ZNF724: variants seen among roughly 807,000 people sequenced by gnomAD.
The protein encoded by ZNF724 is zinc finger protein 724 pseudogene.
In ZNF724, 14 loss-of-function variants were observed where a neutral mutation model predicts 29.3. The observed-to-expected ratio is 0.48, with a 90% CI of 0.32 to 0.75. The LOEUF is 0.75. Ranked by LOEUF, ZNF724 falls within the 30% of genes least tolerant of loss-of-function variation. ZNF724 has a pLI of 0.04. For missense variants in ZNF724, 557 were observed against 571.2 expected (o/e 0.98, Z 0.25); for synonymous variants, 180 against 193.6 (o/e 0.93, Z 0.58).
At chr19:23,247,077 G>C (rs1264014704) in intron 1 of ZNF724, among the ~76,000 whole-genome samples, 1 of 152,114 alleles carries the variant, frequency 6.6e-6, no homozygotes, top group East Asian at 1.9e-4. Context: ...ACAAAAATTA[G>C]CTGGGCATGG....
chr19:23,243,138 C>T (rs1599648507), intron 1 of ZNF724, among the ~76,000 whole-genome samples: 2 of 151,402 alleles, frequency 1.3e-5, no homozygotes, highest in East Asian at 3.9e-4. Flanking sequence ...AAGATCATTT[C>T]ATTTGCAGTC....
chr19:23,227,914 T>C (rs1442416809), intron 3 of ZNF724, among the ~76,000 whole-genome samples: 1 of 151,940 alleles, frequency 6.6e-6, no homozygotes, highest in Non-Finnish European at 1.5e-5. Flanking sequence ...AATAGAAAAA[T>C]GAATAGAGTG....
chr19:23,222,931 A>C lies in ZNF724; in HGVS notation c.1314T>G (p.Thr438=). The C allele has an allele frequency of 1.4e-6, 2 of 1,385,690 alleles. No homozygotes were observed. The highest frequency in any genetic ancestry group is 2.1e-6 in the Non-Finnish European group (2 of 973,466). 85.8% of individuals were successfully genotyped at this position (1,385,690 alleles called of 1,614,324 possible). Residue 438 remains threonine (T), a synonymous_variant, in exon 4 of 4, where the codon ACT becomes ACG. Coordinates refer to ENST00000418100, the MANE Select transcript of ZNF724 (RefSeq NM_001355404.2). ...GKAFNQFSQL[T]THKIIHTGEK... ...CTCCAGTATGAATTATCTTATGTGT[A>C]GTAAGTTGTGAGAACTGGTTAAAGG...
At chr19:23,228,454 CAAA>C (rs35156216) in intron 3 of ZNF724, among the ~76,000 whole-genome samples, 4 of 100,086 alleles carry the variant, frequency 4.0e-5, no homozygotes, top group Non-Finnish European at 6.3e-5. Flanking sequence ...GACTTCGTCT[CAAA>C]AAAAAAAAAA....
At chr19:23,247,043 C>T (rs960982545) in intron 1 of ZNF724, among the ~76,000 whole-genome samples, 2 of 151,790 alleles carry the variant, frequency 1.3e-5, no homozygotes, top group African/African-American at 4.8e-5. Context: ...GCCAACATGG[C>T]GAAACCCCGT....
At chr19:23,244,329 G>A (rs1479629326) in intron 1 of ZNF724, among the ~76,000 whole-genome samples, 1 of 152,148 alleles carries the variant, frequency 6.6e-6, no homozygotes, top group Non-Finnish European at 1.5e-5. Context: ...AAATGCTGTG[G>A]TGAAGTTCCT....
At chr19:23,232,024 A>G (rs1415911455) in intron 2 of ZNF724, 143 bp downstream of exon 2, 1 of 789,312 alleles carries the variant, frequency 1.3e-6, no homozygotes, top group Non-Finnish European at 2.0e-6. Context: ...GGCATAAGCC[A>G]CCACGCTTGG....
intron 2 of ZNF724, 32 bp from the exon 3 acceptor site, chr19:23,231,393 T>C (rs1329062108): frequency 1.6e-6 from 2 of 1,270,426 alleles, no homozygotes; most frequent in Non-Finnish European, 2.3e-6. Context: ...ACATGAATGT[T>C]GCTCATATTC....
In ZNF724 at chr19:23,223,706, CA is replaced by C; in HGVS notation, c.538del (p.Cys180ValfsTer6). The C allele has an allele frequency of 1.4e-6, 1 of 719,124 alleles. No individual in the cohort carries two copies. The allele number at this position is 719,124 out of a possible 1,614,324, so 44.5% of individuals were successfully genotyped here. On this transcript the variant is annotated frameshift_variant, in exon 4 of 4. Transcript: ENST00000418100. LOFTEE classifies it low-confidence loss of function (END_TRUNC). ...ATGTTGAGTTAGGTGTGAAAGAACACAAAATGACTTGCCACATTCTTTACAT... is the reference window on the plus strand; with the variant it reads ...ATGTTGAGTTAGGTGTGAAAGAACACAAATGACTTGCCACATTCTTTACAT... ...FKCKECGKSF[C>X]VLSHLTQHKR... is the part of the protein sequence containing the mutation.
chr19:23,229,028 A>G (rs1160562641), intron 3 of ZNF724, among the ~76,000 whole-genome samples: 1 of 151,696 alleles, frequency 6.6e-6, no homozygotes, highest in African/African-American at 2.4e-5. Context: ...GTGCCACTGC[A>G]CTCCAGTCTG....
chr19:23,246,565 G>A (rs1179673710), intron 1 of ZNF724, among the ~76,000 whole-genome samples: 1 of 151,872 alleles, frequency 6.6e-6, no homozygotes, highest in Non-Finnish European at 1.5e-5. Context: ...TGAGAGAGGA[G>A]AATTGCTTAA....
intron 1 of ZNF724, among the ~76,000 whole-genome samples, chr19:23,249,569 T>C (rs1023283115): frequency 6.6e-6 from 1 of 152,158 alleles, no homozygotes; most frequent in Non-Finnish European, 1.5e-5. Context: ...CGGCTAATTT[T>C]TTGTATTTCT....
intron 1 of ZNF724, 92 bp from the exon 2 acceptor site, chr19:23,232,385 T>C: frequency 1.4e-6 from 1 of 695,018 alleles, no homozygotes; most frequent in Non-Finnish European, 2.6e-6. Flanking sequence ...GGAGTACTCA[T>C]TCTGACTTAT....
chr19:23,242,415 C>CA (rs140940732), intron 1 of ZNF724, among the ~76,000 whole-genome samples: 31 of 151,276 alleles, frequency 2.0e-4, no homozygotes, highest in Admixed American at 1.3e-4. Flanking sequence ...CCAATTTCTA[C>CA]AAAAAAAATA....
At position 23,223,870 on chromosome 19, in the gene ZNF724, C is replaced by T. The variant is rs1361454207; in HGVS notation, c.375G>A (p.Val125=). 1.2e-5 allele frequency: 9 copies of T among 779,256 alleles called. No individual in the cohort carries two copies. Among genetic ancestry groups the T allele is most frequent in the Non-Finnish European group, 2.2e-5 (9 of 417,552 alleles). 48.3% of individuals were successfully genotyped at this position (779,256 alleles called of 1,614,324 possible). A position where few individuals can be genotyped will look rare whatever the true frequency, so the allele number is the denominator to read the frequency against. ...KGYKSVDEYK[V]HKGSYNGFNQ... ...TAAATCCATTATAACTTCCTTTGTG[C>T]ACCTTGTACTCATCCACACTTTTAT... Residue 125 remains valine (V), a synonymous_variant, in exon 4 of 4, where the codon GTG becomes GTA. Coordinates refer to ENST00000418100, the MANE Select transcript of ZNF724 (RefSeq NM_001355404.2).
At position 23,222,802 on chromosome 19, in the gene ZNF724, T is replaced by C; in HGVS notation, c.1443A>G (p.Glu481=). 1.4e-6 allele frequency: 2 copies of C among 1,417,270 alleles called. No homozygotes were observed. Among genetic ancestry groups the C allele is most frequent in the Non-Finnish European group, 2.0e-6 (2 of 1,009,292 alleles). 87.8% of individuals were successfully genotyped at this position (1,417,270 alleles called of 1,614,324 possible). Reference sequence around the variant, plus strand: ...ATAGGTTAAAAGCTTTGCCACATTCTTCACATTTGTAGGGTTTCTCTCCAG... The same window carrying C: ...ATAGGTTAAAAGCTTTGCCACATTCCTCACATTTGTAGGGTTTCTCTCCAG... ...IHTGEKPYKC[E]ECGKAFNLSS... is the part of the protein sequence containing the mutation. Residue 481 remains glutamate (E), a synonymous_variant, in exon 4 of 4, where the codon GAA becomes GAG. Coordinates refer to ENST00000418100, the MANE Select transcript of ZNF724 (RefSeq NM_001355404.2).
At chr19:23,233,478 C>A (rs746382920) in intron 1 of ZNF724, among the ~76,000 whole-genome samples, 1 of 152,052 alleles carries the variant, frequency 6.6e-6, no homozygotes, top group Non-Finnish European at 1.5e-5. Context: ...CAGCTTTTCC[C>A]CAATAGTAAT....
chr19:23,229,530 T>C (rs1422572432), intron 3 of ZNF724, among the ~76,000 whole-genome samples: 1 of 152,252 alleles, frequency 6.6e-6, no homozygotes, highest in Non-Finnish European at 1.5e-5. Flanking sequence ...GCTCACCATA[T>C]GCAGACCTGA....
At chr19:23,231,072 G>A (rs7257176) in intron 3 of ZNF724, 194 bp downstream of exon 3, 108,721 of 343,634 alleles carry the variant, frequency 0.32, 17,989 homozygotes, top group African/African-American at 0.41. Context: ...TAGTAAAGAC[G>A]GGGTTTCTCC....
Sources: allele counts gnomAD v4.1 joint callset (sites outside exome capture counted in the v4.1 genomes callset), GRCh38; gene constraint gnomAD v4.1.1; transcripts MANE v1.5; gene names NCBI Gene and HGNC (gene_info 2026-07-23, HGNC 2026-07-21).